Variants in CACNA1D observed in about 807,000 individuals in gnomAD.
The protein encoded by CACNA1D is voltage-dependent L-type calcium channel subunit alpha-1D.
A neutral mutation model predicts 257.1 loss-of-function variants in CACNA1D; 55 were observed. That is an observed-to-expected ratio of 0.21 (90% confidence interval 0.17 to 0.27). The LOEUF (loss-of-function observed/expected upper bound fraction) is 0.27. Among genes scored for constraint, CACNA1D ranks in the 10% least tolerant of loss-of-function variants. CACNA1D has a pLI of 1.00. For synonymous variants in CACNA1D, 980 were observed against 1,014.9 expected, an observed-to-expected ratio of 0.97 and a Z score of 0.65; for missense variants, 1,876 against 2,784.0, an observed-to-expected ratio of 0.67 and a Z score of 7.34.
chr3:53,739,735 C>T (rs1450294270), intron 20 of CACNA1D, among the ~76,000 whole-genome samples: 1 of 152,160 alleles, frequency 6.6e-6, no homozygotes, highest in South Asian at 2.1e-4. Flanking sequence ...TTAGCCAGCC[C>T]AGCGCATGAG....
chr3:53,698,284 C>A (rs1042926953), intron 8 of CACNA1D, among the ~76,000 whole-genome samples: 1 of 152,190 alleles, frequency 6.6e-6, no homozygotes, highest in Admixed American at 6.5e-5. Context: ...TGGCTCCCAG[C>A]AGCATTAGCA....
chr3:53,712,668 G>A (rs1239868634), intron 9 of CACNA1D, among the ~76,000 whole-genome samples: 1 of 152,100 alleles, frequency 6.6e-6, no homozygotes, highest in East Asian at 1.9e-4. Context: ...CCCTAGGAAG[G>A]CAGCCACAAC....
intron 3 of CACNA1D, among the ~76,000 whole-genome samples, chr3:53,508,268 C>G (rs1337586956): frequency 6.6e-6 from 1 of 152,082 alleles, no homozygotes; most frequent in Non-Finnish European, 1.5e-5. Flanking sequence ...GGTATTAAGC[C>G]CTGCATGCAT....
intron 8 of CACNA1D, among the ~76,000 whole-genome samples, chr3:53,674,386 T>C (rs911929647): frequency 6.6e-6 from 1 of 152,256 alleles, no homozygotes; most frequent in Non-Finnish European, 1.5e-5. Flanking sequence ...GTCCCTGTGA[T>C]TCAGTTTTAA....
At chr3:53,665,261 C>T (rs1421740720) in intron 5 of CACNA1D, among the ~76,000 whole-genome samples, 1 of 152,128 alleles carries the variant, frequency 6.6e-6, no homozygotes, top group East Asian at 1.9e-4. Context: ...TCTATGTCTC[C>T]TAGAATATAA....
At chr3:53,708,299 C>T (rs1357904785) in intron 9 of CACNA1D, among the ~76,000 whole-genome samples, 1 of 152,246 alleles carries the variant, frequency 6.6e-6, no homozygotes, top group Non-Finnish European at 1.5e-5. Flanking sequence ...ATGGAAGATA[C>T]TCAAGTAAAA....
At chr3:53,707,223 T>C (rs2108617178) in intron 9 of CACNA1D, among the ~76,000 whole-genome samples, 1 of 152,194 alleles carries the variant, frequency 6.6e-6, no homozygotes, top group African/African-American at 2.4e-5. Flanking sequence ...TATAATCACC[T>C]GGGGAGCTTG....
chr3:53,659,995 T>G, intron 4 of CACNA1D, 138 bp from the exon 5 acceptor site: 6 of 730,662 alleles, frequency 8.2e-6, no homozygotes, highest in East Asian at 2.9e-5. Context: ...CACAGCCCAG[T>G]TCTTGTCTTT....
At chr3:53,530,674 G>T (rs1434628685) in intron 3 of CACNA1D, among the ~76,000 whole-genome samples, 1 of 152,082 alleles carries the variant, frequency 6.6e-6, no homozygotes, top group Non-Finnish European at 1.5e-5. Context: ...GGTGCCCATG[G>T]GGTGGTGTGC....
At position 53,739,005 on chromosome 3, in the gene CACNA1D, G is replaced by A. The variant is rs149743788; in HGVS notation, c.2752-1275G>A. ...GGCCAAGAAACTCCATTACACAGAA[G>A]TGGTCCCACAGAATTCATAAGTCCA... is the stretch of plus-strand genomic sequence containing the variant. On this transcript the variant is annotated intron_variant, in intron 20 of 47. Transcript: ENST00000350061. Among the ~76,000 whole-genome samples the A allele has an allele frequency of 2.8e-3, 419 of 152,304 alleles. 1 individual carries two copies. Among genetic ancestry groups the A allele is most frequent in the African/African-American group, 9.9e-3 (413 of 41,560 alleles).
intron 12 of CACNA1D, among the ~76,000 whole-genome samples, chr3:53,722,781 A>G (rs548267545): frequency 2.6e-5 from 4 of 152,132 alleles, no homozygotes; most frequent in Non-Finnish European, 5.9e-5. Context: ...CTCATCGGGG[A>G]AGCTTCATTT....
At chr3:53,646,804 G>A (rs2094025763) in intron 3 of CACNA1D, among the ~76,000 whole-genome samples, 1 of 152,216 alleles carries the variant, frequency 6.6e-6, no homozygotes, top group Non-Finnish European at 1.5e-5. Flanking sequence ...AAGGATGCAG[G>A]TGCTCGGGGA....
At chr3:53,805,168 T>C in intron 45 of CACNA1D, 22 bp downstream of exon 45, 1 of 1,610,930 alleles carries the variant, frequency 6.2e-7, no homozygotes, top group Non-Finnish European at 8.5e-7. Context: ...TTTTTTGTTT[T>C]GGGTGGAACC....
At chr3:53,570,700 T>C (rs1483557957) in intron 3 of CACNA1D, among the ~76,000 whole-genome samples, 1 of 152,244 alleles carries the variant, frequency 6.6e-6, no homozygotes, top group Non-Finnish European at 1.5e-5. Flanking sequence ...TCTCTCACAC[T>C]GTTAAATAAT....
Position 53,803,484 on chromosome 3 carries a change from T to C in CACNA1D, c.5497T>C (p.Tyr1833His). 1 of 1,614,174 alleles carries C rather than the reference T, an allele frequency of 6.2e-7. No individual in the cohort carries two copies. Among genetic ancestry groups the C allele is most frequent in the East Asian group, 2.2e-5 (1 of 44,878 alleles). Residue 1833 changes from tyrosine (Y) to histidine (H), a missense_variant, in exon 44 of 48, where the codon TAT becomes CAT. Tyr to His is a moderately conservative substitution (Grantham distance 83). This residue lies in a region of CACNA1D where 491 missense variants were observed against 554.3 expected (regional missense o/e 0.89). Transcript: ENST00000350061. ...CCGGGAAGACCCAGAGATACATGGC[T>C]ATTTCAGGGACCCCCACTGCTTGGG... is the stretch of plus-strand genomic sequence containing the variant. ...ICREDPEIHG[Y>H]FRDPHCLGEQ...
intron 8 of CACNA1D, among the ~76,000 whole-genome samples, chr3:53,683,257 G>A (rs1476965172): frequency 2.6e-5 from 4 of 152,296 alleles, no homozygotes; most frequent in Non-Finnish European, 5.9e-5. Flanking sequence ...ATCTCTCCGT[G>A]CTGGGAGGTA....
chr3:53,805,050 C>T lies in CACNA1D; in HGVS notation c.5653C>T (p.His1885Tyr), dbSNP rs769332902. 2 of 1,614,112 alleles carry T rather than the reference C, an allele frequency of 1.2e-6. No individual in the cohort carries two copies. Among genetic ancestry groups the T allele is most frequent in the Admixed American group, 1.7e-5 (1 of 60,022 alleles). ...CGACTCTGAGAGGCCCCGAGGCTAC[C>T]ATCATCCCCAAGGATTCTTGGAGGA... ...NIDSERPRGY[H>Y]HPQGFLEDDD... is the part of the protein sequence containing the mutation. Residue 1885 changes from histidine to tyrosine, a missense_variant, in exon 45 of 48, where the codon CAT (histidine) becomes TAT (tyrosine). Physicochemically the swap from His to Tyr is moderately conservative, Grantham distance 83 (BLOSUM62 2). Coordinates refer to ENST00000350061, the MANE Select transcript of CACNA1D (RefSeq NM_001128840.3).
chr3:53,657,648 T>C (rs1251782960), intron 4 of CACNA1D, among the ~76,000 whole-genome samples: 1 of 152,222 alleles, frequency 6.6e-6, no homozygotes, highest in Non-Finnish European at 1.5e-5. Context: ...ATCTAAAATA[T>C]GTATGAAATT....
chr3:53,787,085 C>T lies in CACNA1D; in HGVS notation c.4923+133C>T, dbSNP rs2095457809. On this transcript the variant is annotated intron_variant, in intron 40 of 47. Transcript: ENST00000350061. ...TGTTTAAACTGAGATACTACACACT[C>T]CCCCAAATGTGGACTAGCCATTTCT... 7.8e-6 allele frequency: 7 copies of T among 897,808 alleles called. No homozygotes were observed. The Admixed American group carries it at 8.3e-5, about 11-fold the overall frequency. 55.6% of individuals were successfully genotyped at this position (897,808 alleles called of 1,614,324 possible).
Sources: allele counts gnomAD v4.1 joint callset (sites outside exome capture counted in the v4.1 genomes callset), GRCh38; gene constraint gnomAD v4.1.1; regional missense constraint gnomAD v4.1.1; transcripts MANE v1.5; gene names NCBI Gene and HGNC (gene_info 2026-07-23, HGNC 2026-07-21).